The following CHSY3 variants were observed in gnomAD, a reference collection of about 807,000 sequenced individuals.
CHSY3 encodes the protein N-acetylgalactosaminyl-proteoglycan 3-beta-glucuronosyltransferase 3.
A neutral mutation model predicts 67.2 loss-of-function variants in CHSY3; 35 were observed. The observed-to-expected ratio is 0.52, with a 90% confidence interval of 0.40 to 0.69. CHSY3 has a LOEUF of 0.69. CHSY3 is among the 30% of genes least tolerant of loss of function. The probability of loss-of-function intolerance (pLI) is 0.00; values close to 1 mark genes in which losing one functional copy is unlikely to be tolerated. For missense variants in CHSY3, 1,069 were observed against 1,138.5 expected (o/e 0.94, Z 0.88); for synonymous variants, 474 against 434.7 (o/e 1.09, Z -1.12).
In CHSY3 at chr5:129,947,481, G is replaced by C. The variant is rs190201005; in HGVS notation, c.1086+39121G>C. 6.6e-5 allele frequency among the ~76,000 whole-genome samples: 10 copies of C among 152,028 alleles called. No homozygotes were observed. The East Asian group carries it at 1.9e-3, about 29-fold the overall frequency. Reference sequence around the variant, plus strand: ...CTACTAAAAATACAAAAATTAGCCGGGTTTGGTGGCGCATACCTCTAATCC... The same window carrying C: ...CTACTAAAAATACAAAAATTAGCCGCGTTTGGTGGCGCATACCTCTAATCC... On this transcript the variant is annotated intron_variant, in intron 2 of 2. Transcript: ENST00000305031.
chr5:130,104,458 A>G (rs1431070680), intron 2 of CHSY3, among the ~76,000 whole-genome samples: 2 of 151,850 alleles, frequency 1.3e-5, no homozygotes, highest in African/African-American at 4.8e-5. Context: ...ATATGACTTA[A>G]AAAGAATAAA....
At chr5:130,145,368 G>A (rs1292078164) in intron 2 of CHSY3, among the ~76,000 whole-genome samples, 1 of 152,168 alleles carries the variant, frequency 6.6e-6, no homozygotes. Flanking sequence ...TTCAATAAAT[G>A]TTGCTGGGAA....
At chr5:130,125,874 G>C (rs1431285586) in intron 2 of CHSY3, among the ~76,000 whole-genome samples, 1 of 152,114 alleles carries the variant, frequency 6.6e-6, no homozygotes, top group Non-Finnish European at 1.5e-5. Context: ...TGTGCAAACT[G>C]GTCTCAGGAG....
intron 2 of CHSY3, among the ~76,000 whole-genome samples, chr5:129,976,310 A>G (rs1465550203): frequency 6.6e-6 from 1 of 152,184 alleles, no homozygotes; most frequent in Non-Finnish European, 1.5e-5. Context: ...AAGACTATCT[A>G]TCCATGGCAG....
intron 2 of CHSY3, among the ~76,000 whole-genome samples, chr5:129,983,690 A>G (rs1763088487): frequency 6.6e-6 from 1 of 152,076 alleles, no homozygotes; most frequent in African/African-American, 2.4e-5. Flanking sequence ...ATGCTCAGGT[A>G]CATACAAACT....
intron 2 of CHSY3, among the ~76,000 whole-genome samples, chr5:130,144,822 A>G (rs1769022755): frequency 6.6e-6 from 1 of 152,192 alleles, no homozygotes. Context: ...GAAATATCTG[A>G]GATGGGGTAA....
chr5:130,118,779 A>G lies in CHSY3; in HGVS notation c.1087-65450A>G, dbSNP rs1473734938. Among the ~76,000 whole-genome samples the G allele has an allele frequency of 2.0e-5, 3 of 152,000 alleles. No homozygotes were observed. The South Asian group carries it at 6.2e-4, about 32-fold the overall frequency. ...GTAAAGCACTTTATTAAAGTGCTTT[A>G]CCTAAGTGTCCATGAAATAGGAATG... On this transcript the variant is annotated intron_variant, in intron 2 of 2. Transcript: ENST00000305031.
chr5:130,001,387 C>T (rs758545909), intron 2 of CHSY3: 7 of 898,198 alleles, frequency 7.8e-6, no homozygotes, highest in Non-Finnish European at 8.0e-6. Context: ...CTCTTCTTCT[C>T]CTTTTCCTCC....
At chr5:130,120,551 C>T (rs1283503053) in intron 2 of CHSY3, among the ~76,000 whole-genome samples, 1 of 145,990 alleles carries the variant, frequency 6.8e-6, no homozygotes, top group African/African-American at 2.5e-5. Flanking sequence ...TAGTTGTGAA[C>T]AGAGCTGACC....
At chr5:130,012,566 A>AGG (rs1268116902) in intron 2 of CHSY3, among the ~76,000 whole-genome samples, 3 of 152,200 alleles carry the variant, frequency 2.0e-5, no homozygotes, top group Non-Finnish European at 4.4e-5. Context: ...ACCTCTTCAC[A>AGG]GGGCAGCATG....
At chr5:130,111,575 T>C (rs1178159223) in intron 2 of CHSY3, among the ~76,000 whole-genome samples, 1 of 152,112 alleles carries the variant, frequency 6.6e-6, no homozygotes, top group Non-Finnish European at 1.5e-5. Flanking sequence ...ATACTGCTTA[T>C]TTATAGGTTA....
At chr5:130,177,194 T>TAC (rs1376294973) in intron 2 of CHSY3, among the ~76,000 whole-genome samples, 1 of 150,714 alleles carries the variant, frequency 6.6e-6, no homozygotes, top group Non-Finnish European at 1.5e-5. Context: ...TATGAATATA[T>TAC]ATATATATGA....
intron 2 of CHSY3, among the ~76,000 whole-genome samples, chr5:130,034,490 A>T (rs920024673): frequency 6.6e-6 from 1 of 152,170 alleles, no homozygotes; most frequent in Non-Finnish European, 1.5e-5. Context: ...GTTGACATTT[A>T]ATTGGTTTCC....
At position 130,128,074 on chromosome 5, in the gene CHSY3, A is replaced by G. The variant is rs577186494; in HGVS notation, c.1087-56155A>G. On this transcript the variant is annotated intron_variant, in intron 2 of 2. Transcript: ENST00000305031. Reference sequence around the variant, plus strand: ...GTAATGTTTTGTGCTTGTTCCAAGAAAATCTTTTCATTTCTAACAATGAAC... The same window carrying G: ...GTAATGTTTTGTGCTTGTTCCAAGAGAATCTTTTCATTTCTAACAATGAAC... 3.3e-5 allele frequency among the ~76,000 whole-genome samples: 5 copies of G among 152,308 alleles called. 1 individual carries two copies. The highest frequency in any genetic ancestry group is 1.2e-4 in the African/African-American group (5 of 41,574).
chr5:130,133,650 TA>T (rs1768554123), intron 2 of CHSY3, among the ~76,000 whole-genome samples: 2 of 151,464 alleles, frequency 1.3e-5, no homozygotes, highest in African/African-American at 2.4e-5. Flanking sequence ...CATGCATCTG[TA>T]ATCCCAGCTA....
At chr5:130,069,141 G>A (rs1765978653) in intron 2 of CHSY3, among the ~76,000 whole-genome samples, 1 of 151,958 alleles carries the variant, frequency 6.6e-6, no homozygotes, top group African/African-American at 2.4e-5. Flanking sequence ...TACTGAAGAG[G>A]CAAAACAGTG....
intron 2 of CHSY3, among the ~76,000 whole-genome samples, chr5:130,010,433 A>T (rs1482386772): frequency 1.3e-5 from 2 of 152,210 alleles, no homozygotes; most frequent in African/African-American, 4.8e-5. Flanking sequence ...TTTGAAACTA[A>T]TGCAAACAGG....
At chr5:129,926,658 AT>A (rs755303731) in intron 2 of CHSY3, among the ~76,000 whole-genome samples, 5 of 151,804 alleles carry the variant, frequency 3.3e-5, no homozygotes, top group Non-Finnish European at 7.4e-5. Context: ...GGTAAATCAA[AT>A]TTTAGCAAGA....
chr5:129,966,838 G>A (rs1234019038), intron 2 of CHSY3, among the ~76,000 whole-genome samples: 1 of 151,746 alleles, frequency 6.6e-6, no homozygotes, highest in Non-Finnish European at 1.5e-5. Context: ...ACAATAAGAA[G>A]GGAACCAATG....
Sources: gnomAD v4.1 joint callset for allele counts (sites outside exome capture counted in the v4.1 genomes callset) on GRCh38, gnomAD v4.1.1 for gene constraint, MANE v1.5 for transcripts, NCBI Gene and HGNC (gene_info 2026-07-23, HGNC 2026-07-21) for gene names.